HAPLN3: variants seen among roughly 807,000 people sequenced by gnomAD.
HAPLN3 encodes extracellular link domain containing, 1.
HAPLN3 carries 28 observed loss-of-function variants against 28.1 expected under a neutral mutation model. The observed-to-expected ratio is 1.00, with a 90% CI of 0.74 to 1.37. HAPLN3 has a LOEUF of 1.37. HAPLN3 is among the 40% of genes most tolerant of loss of function. The pLI is 0.00. For missense variants in HAPLN3, 513 were observed against 504.6 expected (o/e 1.02, Z -0.16); for synonymous variants, 211 against 213.1 (o/e 0.99, Z 0.09).
chr15:88,895,345 C>G lies in HAPLN3; in HGVS notation c.-48+114G>C, dbSNP rs117683732. Reference sequence around the variant, plus strand: ...CAGTGCCCGGCCCACGCCTCCTGCCCCTTCCCCGGACCCTGCCCGGGAGGT... The same window carrying G: ...CAGTGCCCGGCCCACGCCTCCTGCCGCTTCCCCGGACCCTGCCCGGGAGGT... On this transcript the variant is annotated intron_variant, in intron 1 of 4. Transcript: ENST00000359595. This position sits in a 1 kb window ranked among gnomAD's most constrained non-coding sequence, Gnocchi z 5.5. 5 of 152,450 alleles carry G rather than the reference C, an allele frequency of 3.3e-5. No individual in the cohort carries two copies. Among genetic ancestry groups the G allele is most frequent in the Non-Finnish European group, 7.3e-5 (5 of 68,260 alleles). 9.4% of individuals were successfully genotyped at this position (152,450 alleles called of 1,614,324 possible).
chr15:88,887,165 G>C lies in HAPLN3; in HGVS notation c.124+10C>G. ...GGGGAGCAAAGAGCCGGGTGCAGGA[G>C]GTCGCCTACCTTTGCCATGACCGTT... On this transcript the variant is annotated intron_variant, in intron 2 of 4. Transcript: ENST00000359595. The C allele has an allele frequency of 1.2e-6, 2 of 1,614,080 alleles. No homozygotes were observed. Among genetic ancestry groups the C allele is most frequent in the Non-Finnish European group, 1.7e-6 (2 of 1,179,982 alleles).
At chr15:88,883,225 G>T (rs1214022869) in intron 2 of HAPLN3, among the ~76,000 whole-genome samples, 1 of 152,226 alleles carries the variant, frequency 6.6e-6, no homozygotes, top group Non-Finnish European at 1.5e-5. Context: ...TGCACATTGT[G>T]GGGTCCCAGT....
In HAPLN3 at chr15:88,888,953, C is replaced by T. The variant is rs549521785; in HGVS notation, c.-47-1608G>A. Among the ~76,000 whole-genome samples the T allele has an allele frequency of 7.2e-4, 110 of 152,356 alleles. 1 individual carries two copies. The South Asian group carries it at 0.021, about 29-fold the overall frequency. ...CCCACCAGGTCCATCGTCTGTCCTT[C>T]TCTGACACGTATTGGTCCCTGTTGT... On this transcript the variant is annotated intron_variant, in intron 1 of 4. Coordinates refer to ENST00000359595, the MANE Select transcript of HAPLN3 (RefSeq NM_178232.4). This position sits in a 1 kb window ranked among gnomAD's most constrained non-coding sequence, Gnocchi z 4.1.
At position 88,879,076 on chromosome 15, in the gene HAPLN3, G is replaced by A. The variant is rs78230090; in HGVS notation, c.687C>T (p.Pro229=). 1.9e-3 allele frequency: 3,047 copies of A among 1,608,948 alleles called. 58 individuals carry two copies. In the African/African-American group the frequency reaches 0.035, roughly 19 times the overall value. The part of the protein sequence containing the change: ...DATVQYPIML[P]RQPCGGPGLA... ...GGCCCGGGCCACCGCAGGGCTGCCG[G>A]GGCAACATGATGGGGTACTGCACCG... Residue 229 remains proline, a synonymous_variant, in exon 4 of 5, where the codon CCC becomes CCT. Coordinates refer to ENST00000359595, the MANE Select transcript of HAPLN3 (RefSeq NM_178232.4). This position sits in a 1 kb window ranked among gnomAD's most constrained non-coding sequence, Gnocchi z 5.0.
Position 88,878,141 on chromosome 15 carries a change from C to A in HAPLN3, c.912G>T (p.Lys304Asn). 1.2e-6 allele frequency: 2 copies of A among 1,614,188 alleles called. No individual in the cohort carries two copies. The highest frequency in any genetic ancestry group is 1.7e-6 in the Non-Finnish European group (2 of 1,180,020). ...AKVGQLFAAW[K>N]FHGLDRCDAG... Reference sequence around the variant, plus strand: ...CGTCGCAGCGGTCCAGGCCATGGAACTTCCAGGCGGCAAAGAGCTGTCCCA... The same window carrying A: ...CGTCGCAGCGGTCCAGGCCATGGAAATTCCAGGCGGCAAAGAGCTGTCCCA... Residue 304 changes from lysine to asparagine, a missense_variant, in exon 5 of 5, where the codon AAG becomes AAT. By Grantham distance (94) the Lys-to-Asn change is moderately conservative. Transcript: ENST00000359595.
intron 1 of HAPLN3, among the ~76,000 whole-genome samples, chr15:88,892,577 C>T (rs1898041403): frequency 1.3e-5 from 2 of 152,270 alleles, no homozygotes; most frequent in African/African-American, 4.8e-5. Flanking sequence ...GAGCAGCACA[C>T]AGGCCCAAGG....
At position 88,877,996 on chromosome 15, in the gene HAPLN3, C is replaced by T. The variant is rs769012368; in HGVS notation, c.1057G>A (p.Gly353Ser). ...GFPDPQSRLYGVYCYRQH is the reference protein window; with the variant it reads ...GFPDPQSRLYSVYCYRQH ...TAGTGCTGGCGGTAGCAGTAAACAC[C>T]GTACAAGCGGCTCTGCGGGTCGGGG... The change falls in exon 5 of 5, where the codon GGT becomes AGT. Residue 353 changes from glycine (G) to serine (S), a missense_variant. Physicochemically the swap from Gly to Ser is moderately conservative, Grantham distance 56 (BLOSUM62 0). Coordinates refer to ENST00000359595, the MANE Select transcript of HAPLN3 (RefSeq NM_178232.4). The surrounding 1 kb of genome is among the most constrained non-coding windows in gnomAD (Gnocchi z 5.1). 31 of 1,612,006 alleles carry T rather than the reference C, an allele frequency of 1.9e-5. No individual in the cohort carries two copies. In the African/African-American group the frequency reaches 2.7e-4, roughly 14 times the overall value.
At position 88,880,540 on chromosome 15, in the gene HAPLN3, AG is replaced by A; in HGVS notation, c.493+816del. 1 of 1,287,556 alleles carries A rather than the reference AG, an allele frequency of 7.8e-7. No homozygotes were observed. The highest frequency in any genetic ancestry group is 1.0e-6 in the Non-Finnish European group (1 of 987,338). The allele number at this position is 1,287,556 out of a possible 1,614,324, so 79.8% of individuals were successfully genotyped here. A position where few individuals can be genotyped will look rare whatever the true frequency, so the allele number is the denominator to read the frequency against. ...GCTGGGACGGGCTGGGGCTAAAGTC[AG>A]GTCACCTTCCTCTATCCCCGAACTG... On this transcript the variant is annotated intron_variant, in intron 3 of 4. Coordinates refer to ENST00000359595, the MANE Select transcript of HAPLN3 (RefSeq NM_178232.4). This position sits in a 1 kb window ranked among gnomAD's most constrained non-coding sequence, Gnocchi z 6.0.
rs748285251 is a variant in HAPLN3, at chr15:88,881,360, GCAGCTC to G, written c.484_489del (p.Glu162_Leu163del). The G allele has an allele frequency of 5.4e-5, 87 of 1,609,126 alleles. No homozygotes were observed. The highest frequency in any genetic ancestry group is 3.3e-5 in the Admixed American group (2 of 59,768). Reference sequence around the variant, plus strand: ...CCAGTCCCCGTTAGCATCTCACCCCGCAGCTCCAGCTCCACCAGACCGCTTTCATCC... The same window carrying G: ...CCAGTCCCCGTTAGCATCTCACCCCGCAGCTCCACCAGACCGCTTTCATCC... On this transcript the variant is annotated inframe_deletion, in exon 3 of 5. Coordinates refer to ENST00000359595, the MANE Select transcript of HAPLN3 (RefSeq NM_178232.4). This position sits in a 1 kb window ranked among gnomAD's most constrained non-coding sequence, Gnocchi z 6.0.
intron 4 of HAPLN3, 140 bp from the exon 5 acceptor site, chr15:88,878,396 C>T: frequency 2.6e-6 from 2 of 757,354 alleles, no homozygotes; most frequent in Non-Finnish European, 4.2e-6. Flanking sequence ...AGAACACTTT[C>T]TAATCTTCAC....
intron 1 of HAPLN3, chr15:88,892,865 G>T: frequency 2.5e-6 from 3 of 1,207,072 alleles, no homozygotes; most frequent in Non-Finnish European, 3.4e-6. Context: ...TGAGGGGAGG[G>T]ATGGGTAGCC....
chr15:88,894,281 G>C (rs540510408), intron 1 of HAPLN3, among the ~76,000 whole-genome samples: 38 of 152,302 alleles, frequency 2.5e-4, no homozygotes, highest in Non-Finnish European at 8.8e-5. Context: ...AGAAAGTTCA[G>C]GTTTCCTGAT....
At position 88,877,878 on chromosome 15, in the gene HAPLN3, A is replaced by G; in HGVS notation, c.*92T>C. ...AAAATTTAAATTGAGAAGTATAAAA[A>G]CAGTTAAAATGGCTCCAACCCACAA... On this transcript the variant is annotated 3_prime_UTR_variant, in exon 5 of 5. Transcript: ENST00000359595. This position sits in a 1 kb window ranked among gnomAD's most constrained non-coding sequence, Gnocchi z 5.1. 1 of 1,261,736 alleles carries G rather than the reference A, an allele frequency of 7.9e-7. No individual in the cohort carries two copies. The highest frequency in any genetic ancestry group is 1.1e-6 in the Non-Finnish European group (1 of 917,068). The allele number at this position is 1,261,736 out of a possible 1,614,324, so 78.2% of individuals were successfully genotyped here. A position where few individuals can be genotyped will look rare whatever the true frequency, so the allele number is the denominator to read the frequency against.
At chr15:88,878,306 A>G (rs1382045548) in intron 4 of HAPLN3, 50 bp from the exon 5 acceptor site, 1 of 1,537,822 alleles carries the variant, frequency 6.5e-7, no homozygotes, top group African/African-American at 1.4e-5. Context: ...GCAGCCAGAG[A>G]GCACAGCGGG....
At chr15:88,884,652 A>C (rs1174857682) in intron 2 of HAPLN3, among the ~76,000 whole-genome samples, 7 of 152,200 alleles carry the variant, frequency 4.6e-5, no homozygotes, top group Non-Finnish European at 7.3e-5. Context: ...ATGGCCTCCC[A>C]AAATACCCTA....
At position 88,884,279 on chromosome 15, in the gene HAPLN3, T is replaced by C. The variant is rs142934719; in HGVS notation, c.125-2554A>G. Among the ~76,000 whole-genome samples, 171 of 151,572 alleles carry C rather than the reference T, an allele frequency of 1.1e-3. 1 individual carries two copies. Among genetic ancestry groups the C allele is most frequent in the Middle Eastern group, 3.4e-3 (1 of 290 alleles). ...CCGCAAATCTCATTAAAGTAGTGCTTGTAGGCCGGGCACGGTGGCTCACGC... is the reference window on the plus strand; with the variant it reads ...CCGCAAATCTCATTAAAGTAGTGCTCGTAGGCCGGGCACGGTGGCTCACGC... On this transcript the variant is annotated intron_variant, in intron 2 of 4. Coordinates refer to ENST00000359595, the MANE Select transcript of HAPLN3 (RefSeq NM_178232.4).
rs1897626533 is a variant in HAPLN3 at position 88,879,214 on chromosome 15, C to T, written c.549G>A (p.Glu183=). ...PNGRYQFNFH[E]GQQVCAEQAA... The stretch of plus-strand genomic sequence containing the variant: ...CCTGCTCTGCACAGACCTGCTGGCC[C>T]TCGTGGAAGTTGAACTGGTAGCGCC... Residue 183 remains glutamate, a synonymous_variant, in exon 4 of 5, where the codon GAG becomes GAA. Coordinates refer to ENST00000359595, the MANE Select transcript of HAPLN3 (RefSeq NM_178232.4). The surrounding 1 kb of genome is among the most constrained non-coding windows in gnomAD (Gnocchi z 5.0). 1 of 1,611,850 alleles carries T rather than the reference C, an allele frequency of 6.2e-7. No individual in the cohort carries two copies. Among genetic ancestry groups the T allele is most frequent in the African/African-American group, 1.3e-5 (1 of 74,894 alleles).
chr15:88,880,030 G>A lies in HAPLN3; in HGVS notation c.494-761C>T. The stretch of plus-strand genomic sequence containing the variant: ...CTCCTCCGTGTGGCCAAGGACCCAG[G>A]AACAGCCTGAGCCCCAAACCTCCGA... On this transcript the variant is annotated intron_variant, in intron 3 of 4. Coordinates refer to ENST00000359595, the MANE Select transcript of HAPLN3 (RefSeq NM_178232.4). This position sits in a 1 kb window ranked among gnomAD's most constrained non-coding sequence, Gnocchi z 6.0. The A allele has an allele frequency of 5.0e-6, 5 of 993,844 alleles. No individual in the cohort carries two copies. Among genetic ancestry groups the A allele is most frequent in the Non-Finnish European group, 6.0e-6 (5 of 835,178 alleles). 61.6% of individuals were successfully genotyped at this position (993,844 alleles called of 1,614,324 possible). A position where few individuals can be genotyped will look rare whatever the true frequency, so the allele number is the denominator to read the frequency against.
chr15:88,891,912 T>G (rs543144306), intron 1 of HAPLN3, among the ~76,000 whole-genome samples: 1 of 152,270 alleles, frequency 6.6e-6, no homozygotes, highest in African/African-American at 2.4e-5. Flanking sequence ...ATGTTGAGCT[T>G]GATGTCCTGG....
Sources: allele counts gnomAD v4.1 joint callset (sites outside exome capture counted in the v4.1 genomes callset), GRCh38; gene constraint gnomAD v4.1.1; non-coding constraint Gnocchi (gnomAD v3.1); transcripts MANE v1.5; gene names NCBI Gene and HGNC (gene_info 2026-07-23, HGNC 2026-07-21).